Variants in PRDM2 observed in about 807,000 individuals in gnomAD.
PRDM2 encodes PR/SET domain 2.
In PRDM2, 30 loss-of-function variants were observed where a neutral mutation model predicts 130.0. The ratio of observed to expected loss-of-function variants is 0.23; its 90% CI spans 0.17 to 0.31. The LOEUF (loss-of-function observed/expected upper bound fraction) is 0.31. PRDM2 is among the 10% of genes least tolerant of loss of function. The pLI, the probability that PRDM2 is intolerant of heterozygous loss-of-function variation, is 1.00. For missense variants in PRDM2, 2,011 were observed against 2,108.4 expected (o/e 0.95, Z 0.90); for synonymous variants, 871 against 782.4 (o/e 1.11, Z -1.89).
At chr1:13,732,946 G>T (rs1643155378) in intron 4 of PRDM2, 64 bp downstream of exon 4, 3 of 1,116,696 alleles carry the variant, frequency 2.7e-6, no homozygotes, top group South Asian at 3.0e-5. Flanking sequence ...TGTTCTCTCA[G>T]AATTTGACAT....
chr1:13,823,176 A>G lies in PRDM2; in HGVS notation c.*41A>G. On this transcript the variant is annotated 3_prime_UTR_variant, in exon 10 of 10. Coordinates refer to ENST00000311066, the MANE Select transcript of PRDM2 (RefSeq NM_001393986.1). Reference sequence around the variant, plus strand: ...CTCCTCAGCACCTGAAGTGACCTGGAATCAGTGAAGCCAAAGGGACTGGCA... The same window carrying G: ...CTCCTCAGCACCTGAAGTGACCTGGGATCAGTGAAGCCAAAGGGACTGGCA... The G allele has an allele frequency of 6.2e-7, 1 of 1,613,494 alleles. No individual in the cohort carries two copies. The highest frequency in any genetic ancestry group is 8.5e-7 in the Non-Finnish European group (1 of 1,179,560).
At chr1:13,770,268 A>G (rs900339539) in intron 6 of PRDM2, 4 of 455,288 alleles carry the variant, frequency 8.8e-6, no homozygotes, top group African/African-American at 2.1e-5. Flanking sequence ...GACATTTAGT[A>G]TCAGCTAGGT....
chr1:13,724,967 G>A (rs1463515313), intron 2 of PRDM2, among the ~76,000 whole-genome samples: 1 of 152,048 alleles, frequency 6.6e-6, no homozygotes, highest in African/African-American at 2.4e-5. Flanking sequence ...TTTGGATTAA[G>A]CCCCCCTGCC....
chr1:13,711,063 C>T (rs1055201507), intron 1 of PRDM2, among the ~76,000 whole-genome samples: 20 of 140,536 alleles, frequency 1.4e-4, no homozygotes, highest in African/African-American at 5.0e-4. Context: ...CCAGCCTGGG[C>T]GACAGAGTGA....
At chr1:13,795,614 G>T (rs1360793505) in intron 8 of PRDM2, among the ~76,000 whole-genome samples, 1 of 152,238 alleles carries the variant, frequency 6.6e-6, no homozygotes, top group East Asian at 1.9e-4. Context: ...ATTTGAAGGA[G>T]CTGAAAACTG....
rs557545355 is a variant in PRDM2 at position 13,762,205 on chromosome 1, T to C, written c.512-10873T>C. 1.4e-4 allele frequency among the ~76,000 whole-genome samples: 22 copies of C among 152,392 alleles called. 1 individual carries two copies. The highest frequency in any genetic ancestry group is 5.0e-4 in the African/African-American group (21 of 41,590). On this transcript the variant is annotated intron_variant, in intron 6 of 9. Coordinates refer to ENST00000311066, the MANE Select transcript of PRDM2 (RefSeq NM_001393986.1). ...CAGTATCCGATCAGTATTACCAGTA[T>C]ATATCAGAGCTGGTTCCCATCTGCC... is the stretch of plus-strand genomic sequence containing the variant.
chr1:13,756,365 A>T (rs1643953747), intron 6 of PRDM2, among the ~76,000 whole-genome samples: 1 of 152,244 alleles, frequency 6.6e-6, no homozygotes, highest in Admixed American at 6.5e-5. Context: ...TTGTATGGTG[A>T]ACTGAAGCTG....
chr1:13,793,395 G>A (rs12405315), intron 8 of PRDM2, among the ~76,000 whole-genome samples: 2 of 152,244 alleles, frequency 1.3e-5, no homozygotes. Context: ...GCACCGCTAA[G>A]GAAATTGCCA....
At chr1:13,804,596 G>T (rs958389722) in intron 8 of PRDM2, among the ~76,000 whole-genome samples, 3 of 152,138 alleles carry the variant, frequency 2.0e-5, no homozygotes, top group Non-Finnish European at 4.4e-5. Flanking sequence ...AGCTCCGGGG[G>T]GGGAAATGAT....
chr1:13,722,989 G>C (rs142390985), intron 2 of PRDM2: 24 of 383,360 alleles, frequency 6.3e-5, no homozygotes, highest in African/African-American at 4.7e-4. Flanking sequence ...ACCGCTCTCT[G>C]AATTGAGTCC....
At chr1:13,786,310 CTACATCCCTTGGAAAT>C (rs1644738472) in intron 8 of PRDM2, among the ~76,000 whole-genome samples, 1 of 152,142 alleles carries the variant, frequency 6.6e-6, no homozygotes. Flanking sequence ...TCCATCTCTG[CTACATCCCTTGGAAAT>C]AAATGCGTGT....
At position 13,779,205 on chromosome 1, in the gene PRDM2, T is replaced by C. The variant is rs1243957708; in HGVS notation, c.1410T>C (p.Ser470=). Residue 470 remains serine, a synonymous_variant, in exon 8 of 10, where the codon TCT becomes TCC. Transcript: ENST00000311066. This position sits in a 1 kb window ranked among gnomAD's most constrained non-coding sequence, Gnocchi z 4.9. ...SEKASQDTIN[S]SVVEENGEVK... ...AGGCTTCCCAAGACACAATAAATTC[T>C]TCTGTCGTAGAAGAGAATGGGGAAG... is the stretch of plus-strand genomic sequence containing the variant. The C allele has an allele frequency of 6.2e-7, 1 of 1,614,184 alleles. No homozygotes were observed. Among genetic ancestry groups the C allele is most frequent in the Admixed American group, 1.7e-5 (1 of 60,022 alleles).
chr1:13,731,954 A>G (rs1643125133), intron 3 of PRDM2, among the ~76,000 whole-genome samples: 1 of 152,204 alleles, frequency 6.6e-6, no homozygotes, highest in South Asian at 2.1e-4. Context: ...GTTGACTTAC[A>G]TAGCGGACTT....
intron 1 of PRDM2, among the ~76,000 whole-genome samples, chr1:13,709,477 A>G (rs1038518639): frequency 6.6e-6 from 1 of 152,246 alleles, no homozygotes; most frequent in Non-Finnish European, 1.5e-5. Flanking sequence ...TTATTTTTCT[A>G]GAAGTTTCAG....
chr1:13,732,867 T>C lies in PRDM2; in HGVS notation c.216T>C (p.Asn72=), dbSNP rs1437962260. 1 of 1,579,780 alleles carries C rather than the reference T, an allele frequency of 6.3e-7. No individual in the cohort carries two copies. The highest frequency in any genetic ancestry group is 8.6e-7 in the Non-Finnish European group (1 of 1,156,372). The change falls in exon 4 of 10, where the codon AAT becomes AAC. Residue 72 remains asparagine, a synonymous_variant. Coordinates refer to ENST00000311066, the MANE Select transcript of PRDM2 (RefSeq NM_001393986.1). ...DKKKRSQVKN[N]VYMWEVYYPN... ...AAAAAAGATCTCAGGTTAAGAATAATGTATACATGTGGGAGGTAAGAAGTA... is the reference window on the plus strand; with the variant it reads ...AAAAAAGATCTCAGGTTAAGAATAACGTATACATGTGGGAGGTAAGAAGTA...
chr1:13,784,390 A>G (rs779358752), intron 8 of PRDM2, among the ~76,000 whole-genome samples: 2 of 152,214 alleles, frequency 1.3e-5, no homozygotes, highest in African/African-American at 2.4e-5. Context: ...AGATTGTACT[A>G]TAAAACACCT....
chr1:13,779,343 G>A lies in PRDM2; in HGVS notation c.1548G>A (p.Arg516=). Reference sequence around the variant, plus strand: ...GTCATCTGATTCCCAAAGGTGTACGGCGAAAAGGAGGCCTTGAAGAGCCCC... The same window carrying A: ...GTCATCTGATTCCCAAAGGTGTACGACGAAAAGGAGGCCTTGAAGAGCCCC... ...HERHLIPKGV[R]RKGGLEEPQP... The change falls in exon 8 of 10, where the codon CGG becomes CGA. Residue 516 remains arginine, a synonymous_variant. Coordinates refer to ENST00000311066, the MANE Select transcript of PRDM2 (RefSeq NM_001393986.1). The surrounding 1 kb of genome is among the most constrained non-coding windows in gnomAD (Gnocchi z 4.9). The A allele has an allele frequency of 6.2e-7, 1 of 1,614,158 alleles. No individual in the cohort carries two copies. The highest frequency in any genetic ancestry group is 8.5e-7 in the Non-Finnish European group (1 of 1,180,006).
intron 6 of PRDM2, among the ~76,000 whole-genome samples, chr1:13,764,064 A>T (rs574886192): frequency 6.6e-6 from 1 of 152,338 alleles, no homozygotes; most frequent in African/African-American, 2.4e-5. Context: ...TAGTTAATTC[A>T]TCAGGATGCA....
chr1:13,703,579 C>T (rs898403851), intron 1 of PRDM2, among the ~76,000 whole-genome samples: 4 of 152,206 alleles, frequency 2.6e-5, no homozygotes, highest in Non-Finnish European at 5.9e-5. Flanking sequence ...TTTGCTTCGG[C>T]ATCAGTTTTG....
Sources: gnomAD v4.1 joint callset for allele counts (sites outside exome capture counted in the v4.1 genomes callset) on GRCh38, gnomAD v4.1.1 for gene constraint, Gnocchi (gnomAD v3.1) non-coding constraint, MANE v1.5 for transcripts, NCBI Gene and HGNC (gene_info 2026-07-23, HGNC 2026-07-21) for gene names.